DPP10: variants seen among roughly 807,000 people sequenced by gnomAD.
DPP10 encodes dipeptidyl peptidase like 10, also known as inactive dipeptidyl peptidase 10.
Under a neutral mutation model 120.9 loss-of-function variants are expected in DPP10, and 33 were observed. The ratio of observed to expected loss-of-function variants is 0.27; its 90% confidence interval spans 0.21 to 0.37. The LOEUF is 0.37. Ranked by LOEUF, DPP10 falls within the 10% of genes least tolerant of loss-of-function variation. The probability of loss-of-function intolerance (pLI) is 1.00; values close to 1 mark genes in which losing one functional copy is unlikely to be tolerated. For missense variants in DPP10, 816 were observed against 942.8 expected (o/e 0.87, Z 1.76); for synonymous variants, 337 against 326.1 (o/e 1.03, Z -0.36).
chr2:115,503,686 G>A (rs2076801260), intron 4 of DPP10, among the ~76,000 whole-genome samples: 1 of 152,156 alleles, frequency 6.6e-6, no homozygotes, highest in Non-Finnish European at 1.5e-5. Context: ...AACTAACACT[G>A]ATTAATCAGT....
chr2:115,425,863 G>T (rs1034128992), intron 3 of DPP10, among the ~76,000 whole-genome samples: 3 of 152,204 alleles, frequency 2.0e-5, no homozygotes, highest in Non-Finnish European at 4.4e-5. Context: ...ATGGCAGGAG[G>T]TGAAAGGGGA....
At chr2:115,659,007 C>G (rs375225676) in intron 5 of DPP10, among the ~76,000 whole-genome samples, 1 of 152,054 alleles carries the variant, frequency 6.6e-6, no homozygotes, top group South Asian at 2.1e-4. Context: ...AGAAGTGGGA[C>G]CTTTCAGAGG....
At chr2:115,307,743 A>T (rs2061417854) in intron 1 of DPP10, among the ~76,000 whole-genome samples, 1 of 152,086 alleles carries the variant, frequency 6.6e-6, no homozygotes, top group Non-Finnish European at 1.5e-5. Context: ...TCACCTAGAA[A>T]CTTGCAGGAA....
intron 1 of DPP10, among the ~76,000 whole-genome samples, chr2:114,455,162 G>A (rs1272274669): frequency 6.6e-6 from 1 of 151,432 alleles, no homozygotes; most frequent in Admixed American, 6.6e-5. Context: ...TCTATTGTGT[G>A]TGTGTGTGTG....
chr2:115,770,429 G>T lies in DPP10; in HGVS notation c.1221+2025G>T, dbSNP rs565014852. Among the ~76,000 whole-genome samples the T allele has an allele frequency of 3.2e-4, 49 of 152,132 alleles. 1 individual carries two copies. The highest frequency in any genetic ancestry group is 1.1e-3 in the African/African-American group (47 of 41,530). On this transcript the variant is annotated intron_variant, in intron 13 of 25. Transcript: ENST00000410059. ...TAGGGACTATAACACAGCCTTCATT[G>T]AAGTAGAAAACATTTTTTTTCTATT... is the stretch of plus-strand genomic sequence containing the variant.
At chr2:114,570,671 CA>C (rs1322895585) in intron 1 of DPP10, among the ~76,000 whole-genome samples, 169 of 138,584 alleles carry the variant, frequency 1.2e-3, no homozygotes, top group Middle Eastern at 7.4e-3. Flanking sequence ...TAAAAAAATA[CA>C]AAAAAAAAAA....
rs112935944 is a variant in DPP10 at position 114,866,719 on chromosome 2, A to G, written c.60+423881A>G. On this transcript the variant is annotated intron_variant, in intron 1 of 25. Transcript: ENST00000410059. ...TGCTCTTATACATGCAAAAAATTGC[A>G]TAAGTAGTCTCTTCAGTAAATTTAC... Among the ~76,000 whole-genome samples the G allele has an allele frequency of 2.7e-3, 407 of 152,346 alleles. 4 individuals are homozygous for G. The highest frequency in any genetic ancestry group is 8.7e-3 in the African/African-American group (362 of 41,588).
chr2:114,626,015 A>C (rs1463756936), intron 1 of DPP10, among the ~76,000 whole-genome samples: 1 of 151,686 alleles, frequency 6.6e-6, no homozygotes, highest in African/African-American at 2.4e-5. Flanking sequence ...TAGAAAATAA[A>C]ATATATTATA....
intron 1 of DPP10, among the ~76,000 whole-genome samples, chr2:114,536,804 T>C (rs1472261990): frequency 6.6e-6 from 1 of 152,194 alleles, no homozygotes; most frequent in Non-Finnish European, 1.5e-5. Context: ...AACTCTAGCA[T>C]TGTCATCTTT....
intron 1 of DPP10, among the ~76,000 whole-genome samples, chr2:114,843,809 G>T (rs1427610951): frequency 6.6e-6 from 1 of 152,094 alleles, no homozygotes. Flanking sequence ...GTCTGAAATG[G>T]TAAGTCACTG....
In DPP10 at chr2:114,830,411, C is replaced by G. The variant is rs532671796; in HGVS notation, c.60+387573C>G. ...TTGCCTGGAGTATCCTCCTTTCTTT[C>G]TTTTAGTCAGAAAAGTTCTATTCAC... On this transcript the variant is annotated intron_variant, in intron 1 of 25. Coordinates refer to ENST00000410059, the MANE Select transcript of DPP10 (RefSeq NM_020868.6). Among the ~76,000 whole-genome samples, 258 of 152,228 alleles carry G rather than the reference C, an allele frequency of 1.7e-3. 4 individuals are homozygous for G. The highest frequency in any genetic ancestry group is 5.7e-4 in the Non-Finnish European group (39 of 68,010).
At chr2:115,236,568 C>CT (rs976313343) in intron 1 of DPP10, among the ~76,000 whole-genome samples, 5 of 152,196 alleles carry the variant, frequency 3.3e-5, no homozygotes, top group African/African-American at 1.2e-4. Context: ...CATCTTTACA[C>CT]TGGAAGGGCT....
intron 1 of DPP10, among the ~76,000 whole-genome samples, chr2:115,133,145 G>GTGTATATA (rs1338395575): frequency 0.021 from 602 of 28,732 alleles, 3 homozygotes; most frequent in Non-Finnish European, 0.024. Context: ...GTGTGTGTGT[G>GTGTATATA]TATATATATA....
intron 4 of DPP10, among the ~76,000 whole-genome samples, chr2:115,517,230 T>C (rs2077552563): frequency 6.6e-6 from 1 of 152,182 alleles, no homozygotes; most frequent in African/African-American, 2.4e-5. Context: ...GAGCTATTAA[T>C]GGATATTTCT....
intron 5 of DPP10, among the ~76,000 whole-genome samples, chr2:115,687,775 G>A (rs571673466): frequency 1.2e-4 from 19 of 152,140 alleles, no homozygotes; most frequent in Non-Finnish European, 1.9e-4. Flanking sequence ...ATAAAAAATA[G>A]TGCAGAAAGA....
intron 1 of DPP10, among the ~76,000 whole-genome samples, chr2:115,147,871 A>G (rs539408022): frequency 6.6e-6 from 1 of 152,098 alleles, no homozygotes; most frequent in African/African-American, 2.4e-5. Context: ...GGGATGTACA[A>G]ATTTAGAGAC....
chr2:114,990,241 A>C (rs1351704952), intron 1 of DPP10, among the ~76,000 whole-genome samples: 1 of 152,156 alleles, frequency 6.6e-6, no homozygotes, highest in Non-Finnish European at 1.5e-5. Flanking sequence ...TCATAATTTG[A>C]ACATATTAAT....
At chr2:115,787,818 C>G (rs1402481903) in intron 17 of DPP10, among the ~76,000 whole-genome samples, 1 of 152,020 alleles carries the variant, frequency 6.6e-6, no homozygotes, top group East Asian at 1.9e-4. Flanking sequence ...TTTAAATAAT[C>G]AGAAATTAAA....
rs550845091 is a variant in DPP10, at chr2:114,593,401, C to T, written c.60+150563C>T. 5.9e-5 allele frequency among the ~76,000 whole-genome samples: 9 copies of T among 152,140 alleles called. No individual in the cohort carries two copies. In the South Asian group the frequency reaches 1.0e-3, roughly 18 times the overall value. On this transcript the variant is annotated intron_variant, in intron 1 of 25. Coordinates refer to ENST00000410059, the MANE Select transcript of DPP10 (RefSeq NM_020868.6). ...GAGCAGCTTTGCATAGGATGCTCCA[C>T]GAAGAGCTGTGAAATAAGATGTAGA... is the stretch of plus-strand genomic sequence containing the variant.
Sources: gnomAD v4.1 joint callset for allele counts (sites outside exome capture counted in the v4.1 genomes callset) on GRCh38, gnomAD v4.1.1 for gene constraint, MANE v1.5 for transcripts, NCBI Gene and HGNC (gene_info 2026-07-23, HGNC 2026-07-21) for gene names.